LMO1: variants seen among roughly 807,000 people sequenced by gnomAD.
LMO1 encodes rhombotin-1.
A neutral mutation model predicts 18.0 loss-of-function variants in LMO1; 10 were observed. The ratio of observed to expected loss-of-function variants is 0.55; its 90% CI spans 0.34 to 0.94. The LOEUF (loss-of-function observed/expected upper bound fraction) is 0.94, where lower values mean the gene tolerates loss of function less well. Among genes scored for constraint, LMO1 ranks in the 40% least tolerant of loss-of-function variants. LMO1 has a pLI of 0.02. For synonymous variants in LMO1, 77 were observed against 77.9 expected (o/e 0.99, Z 0.06); for missense variants, 183 against 205.7 (o/e 0.89, Z 0.68).
chr11:8,255,048 C>T (rs1399827970), intron 1 of LMO1, among the ~76,000 whole-genome samples: 1 of 152,228 alleles, frequency 6.6e-6, no homozygotes, highest in Non-Finnish European at 1.5e-5. Flanking sequence ...CCCTTCCCCA[C>T]AGCCACACCA....
intron 1 of LMO1, among the ~76,000 whole-genome samples, chr11:8,249,024 G>T (rs1030034785): frequency 6.6e-6 from 1 of 152,240 alleles, no homozygotes; most frequent in Non-Finnish European, 1.5e-5. Context: ...GCAGCCAGGG[G>T]CTCTGGTCTA....
intron 1 of LMO1, among the ~76,000 whole-genome samples, chr11:8,262,112 C>T (rs1421850504): frequency 6.6e-6 from 1 of 152,240 alleles, no homozygotes; most frequent in African/African-American, 2.4e-5. Flanking sequence ...GCATTTTCAC[C>T]AACTGGCCAC....
intron 1 of LMO1, among the ~76,000 whole-genome samples, chr11:8,233,029 A>G (rs906317691): frequency 9.9e-5 from 15 of 152,234 alleles, no homozygotes; most frequent in Non-Finnish European, 2.9e-5. Context: ...TGAAGCTGCC[A>G]GCCGCCGCAG....
At chr11:8,254,673 C>T (rs1188831692) in intron 1 of LMO1, among the ~76,000 whole-genome samples, 3 of 151,444 alleles carry the variant, frequency 2.0e-5, no homozygotes, top group Non-Finnish European at 4.4e-5. Context: ...GGCAGCCCCA[C>T]TCAAACTGCC....
chr11:8,253,749 G>A (rs182466180), intron 1 of LMO1, among the ~76,000 whole-genome samples: 7 of 152,174 alleles, frequency 4.6e-5, no homozygotes, highest in Admixed American at 2.0e-4. Context: ...TCAAGTCACC[G>A]TGCCAACCAG....
intron 1 of LMO1, among the ~76,000 whole-genome samples, chr11:8,232,707 C>CCCT (rs1374999548): frequency 1.3e-5 from 2 of 152,264 alleles, no homozygotes; most frequent in Admixed American, 6.5e-5. Context: ...GGTCCTGAGC[C>CCCT]CCTCCCAGGG....
intron 2 of LMO1, 148 bp from the exon 3 acceptor site, chr11:8,227,248 G>C (rs775819827): frequency 6.5e-5 from 87 of 1,334,640 alleles, no homozygotes; most frequent in Non-Finnish European, 8.0e-5. Context: ...AGAGCACTGA[G>C]GGCAGCATCT....
At chr11:8,261,140 C>T (rs1469550374) in intron 1 of LMO1, among the ~76,000 whole-genome samples, 1 of 152,090 alleles carries the variant, frequency 6.6e-6, no homozygotes, top group African/African-American at 2.4e-5. Context: ...CTGGGTAGGA[C>T]AAGAATAGGT....
At chr11:8,235,852 A>G (rs1952752417) in intron 1 of LMO1, among the ~76,000 whole-genome samples, 1 of 152,234 alleles carries the variant, frequency 6.6e-6, no homozygotes, top group Non-Finnish European at 1.5e-5. Flanking sequence ...TGATGTGCTA[A>G]GGACTAAGGG....
chr11:8,234,190 G>C (rs188098829), intron 1 of LMO1, among the ~76,000 whole-genome samples: 56 of 152,260 alleles, frequency 3.7e-4, no homozygotes, highest in African/African-American at 1.2e-3. Flanking sequence ...CAGGGCTGCT[G>C]GTGGAAGGAG....
At position 8,230,470 on chromosome 11, in the gene LMO1, C is replaced by CTTCCCTTTGGGCTGGACGGAGAGCATCG. The variant is rs1432886573; in HGVS notation, c.32_59dup (p.Lys20AsnfsTer18). On this transcript the variant is annotated frameshift_variant, in exon 2 of 4. Transcript: ENST00000335790. LOFTEE classifies it high-confidence loss of function. ...GGTTACAGCCCGCACAGCCCTTCTG[C>CTTCCCTTTGGGCTGGACGGAGAGCATCG]TTCCCTTTGGGCTGGACGGAGAGCA... 2 of 1,613,546 alleles carry CTTCCCTTTGGGCTGGACGGAGAGCATCG rather than the reference C, an allele frequency of 1.2e-6. No individual in the cohort carries two copies. Among genetic ancestry groups the CTTCCCTTTGGGCTGGACGGAGAGCATCG allele is most frequent in the African/African-American group, 1.3e-5 (1 of 74,928 alleles).
At chr11:8,264,846 T>A (rs1167131938), upstream of LMO1, among the ~76,000 whole-genome samples, 3 of 152,184 alleles carry the variant, frequency 2.0e-5, no homozygotes, top group Non-Finnish European at 4.4e-5. Context: ...TTGGCCAGGC[T>A]GGTCTCGAAC....
intron 1 of LMO1, among the ~76,000 whole-genome samples, chr11:8,255,191 C>T (rs1041607678): frequency 6.6e-6 from 1 of 152,150 alleles, no homozygotes; most frequent in Non-Finnish European, 1.5e-5. Flanking sequence ...AGTGCCAAAC[C>T]TTGGCCTCAA....
Position 8,263,748 on chromosome 11 carries a change from G to T in LMO1, c.-386C>A. On this transcript the variant is annotated 5_prime_UTR_variant, in exon 1 of 4. Coordinates refer to ENST00000335790, the MANE Select transcript of LMO1 (RefSeq NM_002315.3). ...TTGATAGCTCATAACCCTGTCTCTG[G>T]CAACGACACAGCTTTCAGCCTCATA... 9.2e-7 allele frequency: 1 copy of T among 1,092,700 alleles called. No homozygotes were observed. The allele number at this position is 1,092,700 out of a possible 1,614,324, so 67.7% of individuals were successfully genotyped here.
In LMO1 at chr11:8,251,721, G is replaced by A. The variant is rs180718392; in HGVS notation, c.25+11617C>T. Among the ~76,000 whole-genome samples, 57 of 151,614 alleles carry A rather than the reference G, an allele frequency of 3.8e-4. 1 individual carries two copies. The highest frequency in any genetic ancestry group is 5.5e-4 in the Non-Finnish European group (37 of 67,822). On this transcript the variant is annotated intron_variant, in intron 1 of 3. Transcript: ENST00000335790. The stretch of plus-strand genomic sequence containing the variant: ...TGTCTGCCTGTGCAGGTAGGTGTGC[G>A]TGTGGTGTGTATGGGGGGGGTATAG...
chr11:8,230,605 G>A, intron 1 of LMO1, 101 bp from the exon 2 acceptor site: 1 of 1,254,462 alleles, frequency 8.0e-7, no homozygotes, highest in South Asian at 1.3e-5. Flanking sequence ...TCTCTCTGCT[G>A]CCCCCTCTAG....
intron 1 of LMO1, among the ~76,000 whole-genome samples, chr11:8,253,497 C>T (rs909935675): frequency 6.6e-6 from 1 of 152,126 alleles, no homozygotes; most frequent in Non-Finnish European, 1.5e-5. Flanking sequence ...GATTTGAACC[C>T]GTGTGACTCA....
At chr11:8,246,050 A>G (rs1395725837) in intron 1 of LMO1, among the ~76,000 whole-genome samples, 6 of 152,186 alleles carry the variant, frequency 3.9e-5, no homozygotes, top group Middle Eastern at 3.2e-3. Context: ...GATAGTGCTA[A>G]GCCATTCATG....
intron 1 of LMO1, among the ~76,000 whole-genome samples, chr11:8,232,986 G>A (rs1952696681): frequency 6.6e-6 from 1 of 152,326 alleles, no homozygotes; most frequent in South Asian, 2.1e-4. Flanking sequence ...GAGGCATCTG[G>A]CACCTAGAGG....
Sources: allele counts gnomAD v4.1 joint callset (sites outside exome capture counted in the v4.1 genomes callset), GRCh38; gene constraint gnomAD v4.1.1; transcripts MANE v1.5; gene names NCBI Gene and HGNC (gene_info 2026-07-23, HGNC 2026-07-21).